Variants in TBX19 observed in about 807,000 individuals in gnomAD.
TBX19 encodes the protein T-box transcription factor 19, also known as T-box transcription factor TBX19.
A neutral mutation model predicts 40.9 loss-of-function variants in TBX19; 33 were observed. That is an observed-to-expected ratio of 0.81 (90% CI 0.61 to 1.08). The LOEUF is 1.08. Among genes scored for constraint, TBX19 ranks in the 50% least tolerant of loss-of-function variants. The probability of loss-of-function intolerance (pLI) is 0.00; values close to 1 mark genes in which losing one functional copy is unlikely to be tolerated. For synonymous variants in TBX19, 220 were observed against 225.0 expected (o/e 0.98, Z 0.20); for missense variants, 494 against 574.0 (o/e 0.86, Z 1.42).
intron 1 of TBX19, among the ~76,000 whole-genome samples, chr1:168,282,802 T>C (rs1266071813): frequency 6.6e-6 from 1 of 152,236 alleles, no homozygotes; most frequent in Non-Finnish European, 1.5e-5. Context: ...CTAATTACAG[T>C]AATACCTAGC....
At chr1:168,307,274 A>T (rs1447767826) in intron 6 of TBX19, among the ~76,000 whole-genome samples, 2 of 152,220 alleles carry the variant, frequency 1.3e-5, no homozygotes, top group Non-Finnish European at 2.9e-5. Context: ...TAAGCAATAG[A>T]CCTTTATTTT....
Position 168,293,199 on chromosome 1 carries a change from G to C in TBX19, c.524G>C (p.Gly175Ala), listed in dbSNP as rs1648991442. 1 of 1,613,912 alleles carries C rather than the reference G, an allele frequency of 6.2e-7. No individual in the cohort carries two copies. Among genetic ancestry groups the C allele is most frequent in the East Asian group, 2.2e-5 (1 of 44,862 alleles). Residue 175 changes from glycine (G) to alanine (A), a missense_variant, in exon 3 of 8, where the codon GGA becomes GCA. Coordinates refer to ENST00000367821, the MANE Select transcript of TBX19 (RefSeq NM_005149.3). ...YEPQVHIVRV[G>A]SAHRMVTNCS... ...CCCCAGGTTCACATAGTGCGTGTTG[G>C]AAGTGCCCATCGAATGGTAACAAAC...
At chr1:168,287,535 G>C (rs12088584) in intron 1 of TBX19, among the ~76,000 whole-genome samples, 13,071 of 152,126 alleles carry the variant, frequency 0.086, 1,029 homozygotes, top group African/African-American at 0.21. Flanking sequence ...TGGGCCTCAA[G>C]TGATCCTCCC....
rs531825360 is a variant in TBX19 at position 168,297,220 on chromosome 1, A to G, written c.604-504A>G. Reference sequence around the variant, plus strand: ...TTGCTTTTTGCATTGACATGGCCCCATGTGTAAGTGATTATTTATGAATGA... The same window carrying G: ...TTGCTTTTTGCATTGACATGGCCCCGTGTGTAAGTGATTATTTATGAATGA... On this transcript the variant is annotated intron_variant, in intron 3 of 7. Transcript: ENST00000367821. Among the ~76,000 whole-genome samples the G allele has an allele frequency of 1.2e-4, 19 of 152,286 alleles. No homozygotes were observed. The East Asian group carries it at 2.7e-3, about 22-fold the overall frequency.
rs770664462 is a variant in TBX19 at position 168,305,075 on chromosome 1, C to T, written c.795C>T (p.Ala265=). The T allele has an allele frequency of 2.0e-5, 33 of 1,613,996 alleles. No individual in the cohort carries two copies. Among genetic ancestry groups the T allele is most frequent in the Admixed American group, 1.5e-4 (9 of 59,998 alleles). ...CTAGNSNYQY[A]APLPLPAPHT... The stretch of plus-strand genomic sequence containing the variant: ...CAGGAAACTCCAATTACCAGTATGC[C>T]GCTCCTCTGCCTCTGCCTGCTCCCC... Residue 265 remains alanine, a synonymous_variant, in exon 6 of 8, where the codon GCC becomes GCT. Transcript: ENST00000367821.
chr1:168,305,579 T>A (rs1400899017), intron 6 of TBX19, among the ~76,000 whole-genome samples: 1 of 152,222 alleles, frequency 6.6e-6, no homozygotes, highest in East Asian at 1.9e-4. Flanking sequence ...GTTGCATTCA[T>A]GGCTCAGTTC....
intron 1 of TBX19, among the ~76,000 whole-genome samples, chr1:168,283,022 G>A (rs1463772249): frequency 6.6e-6 from 1 of 152,116 alleles, no homozygotes; most frequent in Non-Finnish European, 1.5e-5. Context: ...TATTGCCTAT[G>A]TAATTTTCCC....
intron 1 of TBX19, among the ~76,000 whole-genome samples, chr1:168,283,743 A>G (rs12137063): frequency 0.089 from 13,484 of 152,102 alleles, 649 homozygotes; most frequent in Admixed American, 0.14. Context: ...TCCTGGTATG[A>G]TTACCCAGTC....
intron 5 of TBX19, among the ~76,000 whole-genome samples, chr1:168,304,800 A>T: frequency 6.6e-6 from 1 of 152,236 alleles, no homozygotes; most frequent in East Asian, 1.9e-4. Context: ...AGGACTGGTC[A>T]TGCATTTCCA....
intron 4 of TBX19, among the ~76,000 whole-genome samples, chr1:168,299,153 C>T (rs1236760303): frequency 2.0e-5 from 3 of 151,756 alleles, no homozygotes; most frequent in Non-Finnish European, 4.4e-5. Context: ...CTCCTGACCT[C>T]AGGTCATCCA....
rs189334505 is a variant in TBX19, at chr1:168,283,782, G to A, written c.203+2489G>A. ...GCCTTTTTCATTCATAATGTCACCT[G>A]GGCCCTTTTTCATTGACATTGTCAC... On this transcript the variant is annotated intron_variant, in intron 1 of 7. Transcript: ENST00000367821. Among the ~76,000 whole-genome samples the A allele has an allele frequency of 1.6e-3, 236 of 152,202 alleles. 6 individuals carry two copies. The South Asian group carries it at 0.035, about 23-fold the overall frequency.
intron 1 of TBX19, among the ~76,000 whole-genome samples, chr1:168,285,980 A>G (rs1648797285): frequency 6.6e-6 from 1 of 152,224 alleles, no homozygotes. Context: ...ACAAGACCTT[A>G]GGCAAGTTGA....
chr1:168,304,306 ATTGG>A lies in TBX19; in HGVS notation c.728-697_728-694del, dbSNP rs964806252. Among the ~76,000 whole-genome samples the A allele has an allele frequency of 7.8e-4, 119 of 152,100 alleles. 1 individual carries two copies. Among genetic ancestry groups the A allele is most frequent in the Middle Eastern group, 3.4e-3 (1 of 294 alleles). On this transcript the variant is annotated intron_variant, in intron 5 of 7. Coordinates refer to ENST00000367821, the MANE Select transcript of TBX19 (RefSeq NM_005149.3). ...GCTAGACAATAGGTGCTTGCTGCTG[ATTGG>A]TTGGATCAGAGATGAAATCACAGGG...
intron 7 of TBX19, among the ~76,000 whole-genome samples, chr1:168,310,377 A>T (rs1649492566): frequency 6.6e-6 from 1 of 151,854 alleles, no homozygotes; most frequent in Non-Finnish European, 1.5e-5. Context: ...AGGAAAGGTT[A>T]GGAGAATGTA....
At chr1:168,286,412 A>C (rs1290844763) in intron 1 of TBX19, among the ~76,000 whole-genome samples, 1 of 152,228 alleles carries the variant, frequency 6.6e-6, no homozygotes, top group East Asian at 1.9e-4. Context: ...GGCAACCACT[A>C]ATCTACTTTC....
At chr1:168,304,079 C>T (rs898248860) in intron 5 of TBX19, among the ~76,000 whole-genome samples, 43 of 152,302 alleles carry the variant, frequency 2.8e-4, no homozygotes, top group African/African-American at 8.2e-4. Flanking sequence ...TCACTTTACC[C>T]GGCCCCTATT....
chr1:168,306,162 A>G (rs1426751254), intron 6 of TBX19, among the ~76,000 whole-genome samples: 1 of 152,140 alleles, frequency 6.6e-6, no homozygotes, highest in African/African-American at 2.4e-5. Context: ...ATTCTTGGCA[A>G]CCTCAACAGT....
intron 5 of TBX19, 58 bp from the exon 6 acceptor site, chr1:168,304,950 A>C (rs1649363162): frequency 1.3e-6 from 2 of 1,567,174 alleles, no homozygotes; most frequent in Non-Finnish European, 8.8e-7. Context: ...TGGTCACCTG[A>C]TTTTTGGTGT....
chr1:168,305,746 A>C (rs989656834), intron 6 of TBX19, among the ~76,000 whole-genome samples: 1 of 152,166 alleles, frequency 6.6e-6, no homozygotes, highest in Non-Finnish European at 1.5e-5. Flanking sequence ...TTAAGTTAGC[A>C]GTATTGTTTG....
Sources: allele counts gnomAD v4.1 joint callset (sites outside exome capture counted in the v4.1 genomes callset), GRCh38; gene constraint gnomAD v4.1.1; transcripts MANE v1.5; gene names NCBI Gene and HGNC (gene_info 2026-07-23, HGNC 2026-07-21).